ADAMTS13: variants seen among roughly 807,000 people sequenced by gnomAD.
The protein encoded by ADAMTS13 is ADAM metallopeptidase with thrombospondin type 1 motif 13, also known as A disintegrin and metalloproteinase with thrombospondin motifs 13.
In ADAMTS13, 110 loss-of-function variants were observed where a neutral mutation model predicts 155.1. The observed-to-expected ratio is 0.71, with a 90% CI of 0.61 to 0.83. The LOEUF (loss-of-function observed/expected upper bound fraction) is 0.83. Among genes scored for constraint, ADAMTS13 ranks in the 40% least tolerant of loss-of-function variants. ADAMTS13 has a pLI of 0.00. For missense variants in ADAMTS13, 1,707 were observed against 1,891.7 expected (o/e 0.90, Z 1.81); for synonymous variants, 758 against 756.4 (o/e 1.00, Z -0.03).
chr9:133,415,937 G>C (rs1839570668), intron 1 of ADAMTS13: 1 of 152,440 alleles, frequency 6.6e-6, no homozygotes, highest in South Asian at 2.1e-4. Context: ...GGCTGAGGTG[G>C]GAGGATTGCT....
chr9:133,433,680 C>T lies in ADAMTS13; in HGVS notation c.1284C>T (p.Leu428=). The T allele has an allele frequency of 1.2e-6, 2 of 1,613,754 alleles. No homozygotes were observed. The highest frequency in any genetic ancestry group is 1.7e-6 in the Non-Finnish European group (2 of 1,179,982). ...GGCGTGCATGTGTTGGTGCTGACCT[C>T]CAGGCCGAGATGTGCAACACTCAGG... ...FGGRACVGAD[L]QAEMCNTQAC... The change falls in exon 11 of 29, where the codon CTC becomes CTT. Residue 428 remains leucine (L), a synonymous_variant. Coordinates refer to ENST00000355699, the MANE Select transcript of ADAMTS13 (RefSeq NM_139027.6).
At chr9:133,414,549 G>T in exon 1 of ADAMTS13, 2 of 911,318 alleles carry the variant, frequency 2.2e-6, no homozygotes, top group Non-Finnish European at 3.7e-6. Flanking sequence ...AGGAACAGAC[G>T]ACATCAGGGT....
At position 133,443,435 on chromosome 9, in the gene ADAMTS13, G is replaced by A. The variant is rs1554791509; in HGVS notation, c.2294G>A (p.Arg765Gln). The A allele has an allele frequency of 4.4e-6, 7 of 1,595,654 alleles. No individual in the cohort carries two copies. The highest frequency in any genetic ancestry group is 1.7e-5 in the Admixed American group (1 of 59,056). Residue 765 changes from arginine (R) to glutamine (Q), a missense_variant, in exon 19 of 29, where the codon CGG becomes CAG. Arg to Gln is a conservative substitution (Grantham distance 43, BLOSUM62 1). Around this residue, in one of 3 missense-constraint regions of ADAMTS13, gnomAD observed 961 missense variants for 1,107.9 expected, o/e 0.87. Transcript: ENST00000355699. ...SASCGGGLRE[R>Q]PVRCVEAQGS... ...TCCTGTGGGGGTGGCCTGCGGGAGCGGCCAGTGCGCTGCGTGGAGGCCCAG... is the reference window on the plus strand; with the variant it reads ...TCCTGTGGGGGTGGCCTGCGGGAGCAGCCAGTGCGCTGCGTGGAGGCCCAG...
intron 7 of ADAMTS13, 58 bp downstream of exon 7, chr9:133,428,829 A>G (rs1484286815): frequency 1.7e-6 from 2 of 1,172,586 alleles, no homozygotes; most frequent in South Asian, 3.2e-5. Flanking sequence ...CTGGGCCGCC[A>G]GCGCCACCTC....
upstream of ADAMTS13, chr9:133,418,216 T>C (rs1236998413): frequency 1.7e-5 from 5 of 301,604 alleles, no homozygotes; most frequent in Middle Eastern, 1.1e-3. Flanking sequence ...GGGATGGGGA[T>C]GAGAGATGCG....
chr9:133,454,646 C>A, intron 24 of ADAMTS13, 27 bp downstream of exon 24: 1 of 1,571,490 alleles, frequency 6.4e-7, no homozygotes, highest in Non-Finnish European at 8.6e-7. Context: ...CTCGGAATCC[C>A]TATGGGGCTG....
At chr9:133,422,117 A>G, upstream of ADAMTS13, 1 of 375,050 alleles carries the variant, frequency 2.7e-6, no homozygotes, top group Non-Finnish European at 4.8e-6. Context: ...TTTCTGGTCC[A>G]GTGTCCCTTC....
At chr9:133,417,023 T>C (rs587711895), upstream of ADAMTS13, among the ~76,000 whole-genome samples, 1 of 152,344 alleles carries the variant, frequency 6.6e-6, no homozygotes, top group Admixed American at 6.5e-5. Flanking sequence ...TTCGTTGTTG[T>C]TGTTTGAGAT....
chr9:133,417,495 T>G, upstream of ADAMTS13: 1 of 976,890 alleles, frequency 1.0e-6, no homozygotes, highest in South Asian at 1.5e-5. Flanking sequence ...TGTGAAAAGC[T>G]GTTTACAAGA....
intron 9 of ADAMTS13, among the ~76,000 whole-genome samples, chr9:133,433,163 C>T (rs1447307536): frequency 9.1e-6 from 1 of 109,790 alleles, no homozygotes; most frequent in Admixed American, 1.2e-4. Context: ...GGCTGGGGTA[C>T]CTGTGTGTTG....
chr9:133,432,826 T>C, intron 9 of ADAMTS13, 134 bp downstream of exon 9: 1 of 899,006 alleles, frequency 1.1e-6, no homozygotes, highest in Non-Finnish European at 1.8e-6. Flanking sequence ...CCTTGGGGAC[T>C]GTCCTTTGGG....
intron 23 of ADAMTS13, among the ~76,000 whole-genome samples, chr9:133,451,821 A>G (rs3124766): frequency 0.8 from 119,344 of 149,286 alleles, 48,273 homozygotes; most frequent in East Asian, 0.93. Context: ...AACCTTGGGA[A>G]GTCAAGGCTG....
chr9:133,439,859 A>C (rs139789731), intron 15 of ADAMTS13, among the ~76,000 whole-genome samples: 1 of 152,156 alleles, frequency 6.6e-6, no homozygotes, highest in African/African-American at 2.4e-5. Flanking sequence ...GGCCAGGTGG[A>C]TACTCTCAGT....
At chr9:133,453,721 C>T (rs1842576261) in intron 23 of ADAMTS13, among the ~76,000 whole-genome samples, 2 of 152,136 alleles carry the variant, frequency 1.3e-5, no homozygotes, top group South Asian at 2.1e-4. Flanking sequence ...CGACAGCCTC[C>T]ACAGCAAATC....
In ADAMTS13 at chr9:133,459,226, G is replaced by A; in HGVS notation, c.*46G>A. The A allele has an allele frequency of 6.5e-7, 1 of 1,546,532 alleles. No individual in the cohort carries two copies. Reference sequence around the variant, plus strand: ...CGTGTCTGGCCAGCCCTGGAGGGTTGACCCCTGGTCTCAGTGCTTTCCAAT... The same window carrying A: ...CGTGTCTGGCCAGCCCTGGAGGGTTAACCCCTGGTCTCAGTGCTTTCCAAT... On this transcript the variant is annotated 3_prime_UTR_variant, in exon 29 of 29. Transcript: ENST00000355699.
upstream of ADAMTS13, among the ~76,000 whole-genome samples, chr9:133,417,169 G>A (rs1265768849): frequency 6.6e-6 from 1 of 152,110 alleles, no homozygotes; most frequent in African/African-American, 2.4e-5. Flanking sequence ...GCGCCATCAC[G>A]CCCGGCTAAT....
chr9:133,425,924 C>T lies in ADAMTS13; in HGVS notation c.415-14C>T, dbSNP rs782742873. ...TGGGGTGTCCTAAATGCAGGCTTTGCTGTGGGTCCGCAGGGTGCTCCAAAT... is the reference window on the plus strand; with the variant it reads ...TGGGGTGTCCTAAATGCAGGCTTTGTTGTGGGTCCGCAGGGTGCTCCAAAT... On this transcript the variant is annotated splice_polypyrimidine_tract_variant and intron_variant, in intron 4 of 28. Coordinates refer to ENST00000355699, the MANE Select transcript of ADAMTS13 (RefSeq NM_139027.6). This position sits in a 1 kb window ranked among gnomAD's most constrained non-coding sequence, Gnocchi z 4.6. The T allele has an allele frequency of 2.5e-6, 4 of 1,613,180 alleles. No individual in the cohort carries two copies. The highest frequency in any genetic ancestry group is 3.4e-6 in the Non-Finnish European group (4 of 1,180,008).
chr9:133,421,746 C>T (rs1256670752), upstream of ADAMTS13, among the ~76,000 whole-genome samples: 1 of 152,124 alleles, frequency 6.6e-6, no homozygotes, highest in East Asian at 1.9e-4. Flanking sequence ...TAGGTGTGTC[C>T]TCCCTGATCG....
Position 133,458,092 on chromosome 9 carries a change from T to C in ADAMTS13, c.3907T>C (p.Leu1303=), listed in dbSNP as rs1554796710. 1 of 1,613,166 alleles carries C rather than the reference T, an allele frequency of 6.2e-7. No individual in the cohort carries two copies. The highest frequency in any genetic ancestry group is 8.5e-7 in the Non-Finnish European group (1 of 1,179,960). Residue 1303 remains leucine, a splice_region_variant and synonymous_variant, in exon 28 of 29, where the codon TTG becomes CTG. Transcript: ENST00000355699. ...CGAGGGAGCCAATGCCAGCTACATC[T>C]TGGTGAGGCCCAGCATGGGGACTTG... The part of the protein sequence containing the change: ...GTEGANASYI[L]IRDTHSLRTT...
Sources: allele counts gnomAD v4.1 joint callset (sites outside exome capture counted in the v4.1 genomes callset), GRCh38; gene constraint gnomAD v4.1.1; regional missense constraint gnomAD v4.1.1; non-coding constraint Gnocchi (gnomAD v3.1); transcripts MANE v1.5; gene names NCBI Gene and HGNC (gene_info 2026-07-23, HGNC 2026-07-21).